SDK1: variants seen among roughly 807,000 people sequenced by gnomAD.
The protein encoded by SDK1 is sidekick cell adhesion molecule 1, also known as protein sidekick-1.
In SDK1, 157 loss-of-function variants were observed where a neutral mutation model predicts 245.5. The ratio of observed to expected loss-of-function variants is 0.64; its 90% CI spans 0.56 to 0.73. The LOEUF is 0.73. SDK1 is among the 30% of genes least tolerant of loss of function. The pLI, the probability that SDK1 is intolerant of heterozygous loss-of-function variation, is 0.00. For missense variants in SDK1, 3,583 were observed against 3,002.3 expected (o/e 1.19, Z -4.52); for synonymous variants, 1,647 against 1,278.5 (o/e 1.29, Z -6.15).
intron 4 of SDK1, among the ~76,000 whole-genome samples, chr7:3,750,473 C>G (rs947839390): frequency 6.6e-6 from 1 of 152,098 alleles, no homozygotes; most frequent in African/African-American, 2.4e-5. Flanking sequence ...TATTTAGGAC[C>G]ATTGCAATAG....
intron 28 of SDK1, among the ~76,000 whole-genome samples, chr7:4,135,808 C>G (rs773243751): frequency 4.6e-5 from 7 of 152,172 alleles, no homozygotes; most frequent in Non-Finnish European, 8.8e-5. Context: ...TTCATCGTTT[C>G]CCTGGCACCA....
chr7:3,629,506 G>A (rs1782226787), intron 2 of SDK1, among the ~76,000 whole-genome samples: 1 of 152,114 alleles, frequency 6.6e-6, no homozygotes, highest in Non-Finnish European at 1.5e-5. Context: ...TCGGCGGAGT[G>A]TCTGTTCTCA....
At chr7:3,368,376 A>G (rs780380283) in intron 1 of SDK1, among the ~76,000 whole-genome samples, 1 of 152,362 alleles carries the variant, frequency 6.6e-6, no homozygotes, top group South Asian at 2.1e-4. Context: ...TCTTTTGTCC[A>G]TCATACTTTT....
chr7:3,305,806 A>G (rs983572441), intron 1 of SDK1, among the ~76,000 whole-genome samples: 2 of 152,110 alleles, frequency 1.3e-5, no homozygotes, highest in Admixed American at 1.3e-4. Context: ...TGCAGTCTGC[A>G]TAGCCACCTG....
intron 5 of SDK1, among the ~76,000 whole-genome samples, chr7:3,869,560 T>G (rs1583495053): frequency 6.6e-6 from 1 of 152,206 alleles, no homozygotes; most frequent in African/African-American, 2.4e-5. Context: ...GCGGCCACCC[T>G]GTGCCCCCAG....
chr7:4,102,664 T>G (rs577233783), intron 22 of SDK1, among the ~76,000 whole-genome samples: 1 of 152,158 alleles, frequency 6.6e-6, no homozygotes, highest in East Asian at 1.9e-4. Context: ...AGCAGGGGTG[T>G]TCCTGGTCCT....
chr7:3,513,436 A>G (rs1782643700), intron 1 of SDK1, among the ~76,000 whole-genome samples: 1 of 152,182 alleles, frequency 6.6e-6, no homozygotes, highest in Non-Finnish European at 1.5e-5. Context: ...ATAGACGTTA[A>G]TATTTATCAA....
intron 17 of SDK1, among the ~76,000 whole-genome samples, chr7:4,024,668 C>G (rs574498057): frequency 2.6e-5 from 4 of 152,126 alleles, no homozygotes; most frequent in Non-Finnish European, 5.9e-5. Flanking sequence ...GCATCATATC[C>G]CTATTGGACA....
rs181606173 is a variant in SDK1, at chr7:3,565,673, C to A, written c.299-53407C>A. Among the ~76,000 whole-genome samples the A allele has an allele frequency of 2.9e-4, 44 of 152,310 alleles. 1 individual carries two copies. Among genetic ancestry groups the A allele is most frequent in the Middle Eastern group, 3.4e-3 (1 of 294 alleles). On this transcript the variant is annotated intron_variant, in intron 1 of 44. Transcript: ENST00000404826. ...AATTCACAGATGCTCAAATCCCTGA[C>A]TTAAAACAGCTTAGTATTTGGATAT... is the stretch of plus-strand genomic sequence containing the variant.
At position 3,848,913 on chromosome 7, in the gene SDK1, G is replaced by A. The variant is rs113571979; in HGVS notation, c.847+27330G>A. On this transcript the variant is annotated intron_variant, in intron 5 of 44. Transcript: ENST00000404826. ...TCTCGAACTCCTGACCTTATGATCC[G>A]CCCACCTCGGCCTCCCAAAGTGCCG... 7.7e-3 allele frequency among the ~76,000 whole-genome samples: 1,172 copies of A among 152,178 alleles called. 16 individuals carry two copies. Among genetic ancestry groups the A allele is most frequent in the African/African-American group, 0.026 (1,083 of 41,520 alleles).
chr7:3,977,933 C>T lies in SDK1; in HGVS notation c.1994+3388C>T, dbSNP rs544078754. 5.9e-5 allele frequency among the ~76,000 whole-genome samples: 9 copies of T among 152,350 alleles called. No homozygotes were observed. In the South Asian group the frequency reaches 1.9e-3, roughly 32 times the overall value. On this transcript the variant is annotated intron_variant, in intron 13 of 44. Transcript: ENST00000404826. Reference sequence around the variant, plus strand: ...TTGGCGGGCCTCCTTCTGTTCCCTACTCGTACCTTGATGCTCACATGCCCT... The same window carrying T: ...TTGGCGGGCCTCCTTCTGTTCCCTATTCGTACCTTGATGCTCACATGCCCT...
chr7:3,590,300 C>CT (rs200303832), intron 1 of SDK1, among the ~76,000 whole-genome samples: 4,204 of 96,054 alleles, frequency 0.044, 148 homozygotes, highest in South Asian at 0.062. Flanking sequence ...TTTCCTGTTC[C>CT]TTTTTTTTTT....
Position 4,011,245 on chromosome 7 carries a change from T to G in SDK1, c.2279+132T>G, listed in dbSNP as rs989831362. ...TCCCTCAGGGAGACGGGACAAACCG[T>G]GAGCAGAAAAGCCTGTCGCAAAGAG... On this transcript the variant is annotated intron_variant, in intron 15 of 44. Coordinates refer to ENST00000404826, the MANE Select transcript of SDK1 (RefSeq NM_152744.4). 25 of 1,170,242 alleles carry G rather than the reference T, an allele frequency of 2.1e-5. No homozygotes were observed. In the African/African-American group the frequency reaches 3.8e-4, roughly 18 times the overall value. The allele number at this position is 1,170,242 out of a possible 1,614,324, so 72.5% of individuals were successfully genotyped here. A position where few individuals can be genotyped will look rare whatever the true frequency, so the allele number is the denominator to read the frequency against.
chr7:3,647,601 T>C (rs545183405), intron 4 of SDK1, among the ~76,000 whole-genome samples: 1 of 152,166 alleles, frequency 6.6e-6, no homozygotes, highest in Non-Finnish European at 1.5e-5. Context: ...TATTTTTTTT[T>C]GTATTTTTAT....
Position 3,365,323 on chromosome 7 carries a change from A to T in SDK1, c.298+63439A>T, listed in dbSNP as rs1185975231. ...TCTAACACCTGGAACCTCTTTTCCA[A>T]GAAACTCTGGTTCCTTTTAGGGGAG... On this transcript the variant is annotated intron_variant, in intron 1 of 44. Coordinates refer to ENST00000404826, the MANE Select transcript of SDK1 (RefSeq NM_152744.4). Among the ~76,000 whole-genome samples, 8 of 152,206 alleles carry T rather than the reference A, an allele frequency of 5.3e-5. 1 individual carries two copies.
chr7:3,487,311 C>A (rs1202881267), intron 1 of SDK1, among the ~76,000 whole-genome samples: 1 of 152,054 alleles, frequency 6.6e-6, no homozygotes, highest in African/African-American at 2.4e-5. Context: ...TTTGGTATTT[C>A]TGGTATTCTC....
intron 44 of SDK1, among the ~76,000 whole-genome samples, chr7:4,248,629 C>G (rs1337601232): frequency 6.6e-6 from 1 of 151,820 alleles, no homozygotes; most frequent in Admixed American, 6.6e-5. Flanking sequence ...CCTAAATACA[C>G]ACACATGTAC....
chr7:3,851,977 C>T (rs1041793776), intron 5 of SDK1, among the ~76,000 whole-genome samples: 6 of 152,000 alleles, frequency 3.9e-5, no homozygotes, highest in Non-Finnish European at 7.4e-5. Flanking sequence ...TATTTAATGC[C>T]GCTGGTGCAC....
chr7:3,403,824 CATATATATATAT>C (rs10650660), intron 1 of SDK1, among the ~76,000 whole-genome samples: 843 of 60,692 alleles, frequency 0.014, 17 homozygotes, highest in African/African-American at 0.027. Context: ...AAATATCTTA[CATATATATATAT>C]ATATATATAT....
Sources: gnomAD v4.1 joint callset for allele counts (sites outside exome capture counted in the v4.1 genomes callset) on GRCh38, gnomAD v4.1.1 for gene constraint, MANE v1.5 for transcripts, NCBI Gene and HGNC (gene_info 2026-07-23, HGNC 2026-07-21) for gene names.